The following PBX1 variants were observed in gnomAD, a reference collection of about 807,000 sequenced individuals.
PBX1 encodes the protein PBX homeobox 1.
Under a neutral mutation model 53.4 loss-of-function variants are expected in PBX1, and 6 were observed. The ratio of observed to expected loss-of-function variants is 0.11; its 90% CI spans 0.06 to 0.22. The LOEUF (loss-of-function observed/expected upper bound fraction) is 0.22, where lower values mean the gene tolerates loss of function less well. Among genes scored for constraint, PBX1 ranks in the 10% least tolerant of loss-of-function variants. PBX1 has a pLI of 1.00. For synonymous variants in PBX1, 204 were observed against 212.3 expected, an observed-to-expected ratio of 0.96 and a Z score of 0.34; for missense variants, 251 against 551.4, an observed-to-expected ratio of 0.46 and a Z score of 5.46.
chr1:164,580,909 A>T (rs1244505506), intron 2 of PBX1, among the ~76,000 whole-genome samples: 1 of 152,060 alleles, frequency 6.6e-6, no homozygotes, highest in Non-Finnish European at 1.5e-5. Flanking sequence ...TTCAGGTAAC[A>T]AGCATGACTT....
At chr1:164,752,405 A>C (rs898700340) in intron 2 of PBX1, among the ~76,000 whole-genome samples, 1 of 152,158 alleles carries the variant, frequency 6.6e-6, no homozygotes, top group African/African-American at 2.4e-5. Flanking sequence ...TGTGAGCCAG[A>C]TTGCCATTCT....
intron 2 of PBX1, among the ~76,000 whole-genome samples, chr1:164,607,410 T>C (rs2101817194): frequency 6.6e-6 from 1 of 152,280 alleles, no homozygotes; most frequent in South Asian, 2.1e-4. Flanking sequence ...TTGATGTTAA[T>C]ACCAAGGTTT....
intron 2 of PBX1, among the ~76,000 whole-genome samples, chr1:164,710,502 C>G (rs1457815168): frequency 6.6e-6 from 1 of 152,002 alleles, no homozygotes; most frequent in Non-Finnish European, 1.5e-5. Context: ...ACCTCCACCT[C>G]CTGGGTTCAA....
chr1:164,798,443 C>T (rs1313425810), intron 3 of PBX1, among the ~76,000 whole-genome samples: 1 of 152,156 alleles, frequency 6.6e-6, no homozygotes, highest in African/African-American at 2.4e-5. Context: ...GTTGAATGCT[C>T]AGCTAAGGAA....
intron 2 of PBX1, among the ~76,000 whole-genome samples, chr1:164,677,090 T>G (rs1418065374): frequency 1.1e-4 from 3 of 28,434 alleles, no homozygotes; most frequent in East Asian, 3.2e-3. Context: ...GACATTTTTT[T>G]TTTTTTTTTT....
chr1:164,718,527 G>C (rs146163938), intron 2 of PBX1, among the ~76,000 whole-genome samples: 2 of 152,160 alleles, frequency 1.3e-5, no homozygotes, highest in African/African-American at 2.4e-5. Context: ...GGTGACAAAT[G>C]GAGTGTTCAA....
intron 2 of PBX1, among the ~76,000 whole-genome samples, chr1:164,590,096 C>G (rs1049309461): frequency 6.6e-6 from 1 of 151,810 alleles, no homozygotes; most frequent in Non-Finnish European, 1.5e-5. Context: ...GCCTCTAGTC[C>G]CAGCTACTCG....
chr1:164,841,995 C>T (rs1489908051), intron 8 of PBX1, among the ~76,000 whole-genome samples: 2 of 152,154 alleles, frequency 1.3e-5, no homozygotes, highest in Non-Finnish European at 2.9e-5. Flanking sequence ...ATGAGAGTTT[C>T]TTAGTGCCAG....
chr1:164,714,137 AAG>A (rs539108634), intron 2 of PBX1, among the ~76,000 whole-genome samples: 28 of 152,248 alleles, frequency 1.8e-4, no homozygotes, highest in Non-Finnish European at 3.7e-4. Context: ...TTTTGGAAGT[AAG>A]CACTGATAAG....
intron 2 of PBX1, chr1:164,682,368 G>A (rs1449110719): frequency 6.6e-6 from 1 of 152,112 alleles, no homozygotes; most frequent in Non-Finnish European, 1.5e-5. Context: ...GGAAGAACCT[G>A]TTCATCAGCT....
intron 2 of PBX1, among the ~76,000 whole-genome samples, chr1:164,785,135 T>C (rs974802619): frequency 2.0e-5 from 3 of 152,228 alleles, no homozygotes; most frequent in African/African-American, 7.2e-5. Flanking sequence ...CACTTGGGGC[T>C]GGAAGGTGTC....
chr1:164,639,958 C>T (rs1260682218), intron 2 of PBX1, among the ~76,000 whole-genome samples: 3 of 151,990 alleles, frequency 2.0e-5, no homozygotes, highest in East Asian at 3.9e-4. Flanking sequence ...GCACTGTACC[C>T]AGCTGTGTTC....
intron 2 of PBX1, among the ~76,000 whole-genome samples, chr1:164,869,203 A>G (rs1330341055): frequency 6.6e-6 from 1 of 152,208 alleles, no homozygotes; most frequent in East Asian, 1.9e-4. Context: ...CGATCTCGTC[A>G]GAACACTGTG....
chr1:164,735,862 G>A (rs751927999), intron 2 of PBX1, among the ~76,000 whole-genome samples: 1 of 152,198 alleles, frequency 6.6e-6, no homozygotes, highest in African/African-American at 2.4e-5. Context: ...AGGGAACAGG[G>A]AGGGGCTGGA....
intron 2 of PBX1, among the ~76,000 whole-genome samples, chr1:164,750,519 G>T (rs2102192592): frequency 6.6e-6 from 1 of 152,198 alleles, no homozygotes; most frequent in East Asian, 1.9e-4. Flanking sequence ...CCCATAGTTG[G>T]TGTCTAGGCA....
chr1:164,882,789 G>T (rs558397322), intron 2 of PBX1, among the ~76,000 whole-genome samples: 41 of 152,144 alleles, frequency 2.7e-4, no homozygotes, highest in African/African-American at 9.4e-4. Flanking sequence ...GAGAGGAACA[G>T]GTGTACTTAT....
At chr1:164,829,368 G>A (rs1558032940) in intron 8 of PBX1, 1 of 152,174 alleles carries the variant, frequency 6.6e-6, no homozygotes, top group African/African-American at 2.4e-5. Flanking sequence ...AGCAAAAGCT[G>A]TTCTTTGCTT....
chr1:164,590,418 G>C lies in PBX1; in HGVS notation c.265+27107G>C, dbSNP rs775521524. ...TGCTTGCTTCTTCCCAATCGCCGCC[G>C]CCCCCCTGTGCTTCAGGTAAACAAG... On this transcript the variant is annotated intron_variant, in intron 2 of 8. Coordinates refer to ENST00000420696, the MANE Select transcript of PBX1 (RefSeq NM_002585.4). The C allele has an allele frequency of 1.1e-4, 48 of 455,724 alleles. 1 individual carries two copies. The highest frequency in any genetic ancestry group is 2.0e-4 in the Non-Finnish European group (45 of 226,758). 28.2% of individuals were successfully genotyped at this position (455,724 alleles called of 1,614,324 possible).
intron 2 of PBX1, among the ~76,000 whole-genome samples, chr1:164,780,343 T>C (rs902521531): frequency 1.3e-5 from 2 of 152,184 alleles, no homozygotes; most frequent in Non-Finnish European, 2.9e-5. Context: ...AGTAGCACAT[T>C]ATTTTCGATA....
Sources: gnomAD v4.1 joint callset for allele counts (sites outside exome capture counted in the v4.1 genomes callset) on GRCh38, gnomAD v4.1.1 for gene constraint, MANE v1.5 for transcripts, NCBI Gene and HGNC (gene_info 2026-07-23, HGNC 2026-07-21) for gene names.